Variants in PKHD1 observed in about 807,000 individuals in gnomAD.
PKHD1 encodes the protein PKHD1 ciliary IPT domain containing fibrocystin/polyductin.
PKHD1 carries 291 observed loss-of-function variants against 412.0 expected under a neutral mutation model. The observed-to-expected ratio is 0.71, with a 90% CI of 0.64 to 0.78. PKHD1 has a LOEUF of 0.78. PKHD1 is among the 30% of genes least tolerant of loss of function. The probability of loss-of-function intolerance (pLI) is 0.00; values close to 1 mark genes in which losing one functional copy is unlikely to be tolerated. For missense variants in PKHD1, 4,825 were observed against 4,950.7 expected, an observed-to-expected ratio of 0.97 and a Z score of 0.76; for synonymous variants, 1,777 against 1,821.5, an observed-to-expected ratio of 0.98 and a Z score of 0.62.
rs1273145117 is a variant in PKHD1, at chr6:51,796,423, AT to A, written c.8303-5051del. ...TCTTTATTAATCTAGCTAGCAGTCTATTTAATTAGTTTTTTTTTCAAAAAAA... is the reference window on the plus strand; with the variant it reads ...TCTTTATTAATCTAGCTAGCAGTCTATTAATTAGTTTTTTTTTCAAAAAAA... On this transcript the variant is annotated intron_variant, in intron 52 of 66. Transcript: ENST00000371117. Among the ~76,000 whole-genome samples the A allele has an allele frequency of 2.9e-5, 3 of 103,360 alleles. No homozygotes were observed. In the East Asian group the frequency reaches 1.1e-3, roughly 39 times the overall value. The allele number at this position is 103,360 out of a possible 152,430, so 67.8% of individuals were successfully genotyped here.
intron 60 of PKHD1, among the ~76,000 whole-genome samples, chr6:51,678,312 T>C (rs1776162553): frequency 6.6e-6 from 1 of 152,174 alleles, no homozygotes; most frequent in African/African-American, 2.4e-5. Context: ...CTAAGTTAGA[T>C]GACGTATGCA....
chr6:51,854,889 C>T (rs1244693851), intron 49 of PKHD1, among the ~76,000 whole-genome samples: 1 of 152,246 alleles, frequency 6.6e-6, no homozygotes, highest in African/African-American at 2.4e-5. Flanking sequence ...CTGGCTGCTG[C>T]CTCTCCTGAG....
chr6:52,007,442 T>C (rs561113900), intron 35 of PKHD1, among the ~76,000 whole-genome samples: 266 of 152,318 alleles, frequency 1.7e-3, no homozygotes, highest in South Asian at 6.8e-3. Context: ...CAGATAACCA[T>C]GCATCATAAT....
At chr6:51,624,614 T>A (rs908998034) in intron 66 of PKHD1, among the ~76,000 whole-genome samples, 1 of 152,216 alleles carries the variant, frequency 6.6e-6, no homozygotes, top group African/African-American at 2.4e-5. Flanking sequence ...GTCTTTTTTT[T>A]CCCCAGCAGT....
At chr6:51,694,359 C>CT (rs1778529730) in intron 60 of PKHD1, among the ~76,000 whole-genome samples, 1 of 151,656 alleles carries the variant, frequency 6.6e-6, no homozygotes, top group African/African-American at 2.4e-5. Context: ...ATATGGATTT[C>CT]TTTTTTTAAT....
intron 49 of PKHD1, among the ~76,000 whole-genome samples, chr6:51,854,103 G>A (rs1344825838): frequency 2.0e-5 from 3 of 151,990 alleles, no homozygotes; most frequent in Admixed American, 1.3e-4. Context: ...TAGGATTTTT[G>A]TGGGGGCCTT....
chr6:52,035,294 A>G (rs988785052), intron 28 of PKHD1, among the ~76,000 whole-genome samples: 3 of 152,224 alleles, frequency 2.0e-5, no homozygotes, highest in African/African-American at 7.2e-5. Context: ...GCCAACACCC[A>G]GAATGTGCAC....
At chr6:51,912,624 A>G (rs1783130026) in intron 37 of PKHD1, 48 bp from the exon 38 acceptor site, 1 of 1,202,870 alleles carries the variant, frequency 8.3e-7, no homozygotes, top group African/African-American at 1.5e-5. Flanking sequence ...ATCATTAATC[A>G]AAACGTGATT....
At chr6:51,782,989 A>G (rs1222263149) in intron 53 of PKHD1, among the ~76,000 whole-genome samples, 3 of 152,214 alleles carry the variant, frequency 2.0e-5, no homozygotes, top group African/African-American at 7.2e-5. Context: ...AAGCAATGAA[A>G]GAAACTTCCA....
intron 50 of PKHD1, among the ~76,000 whole-genome samples, chr6:51,846,534 C>G (rs1771187283): frequency 6.6e-6 from 1 of 152,190 alleles, no homozygotes; most frequent in Admixed American, 6.5e-5. Flanking sequence ...GCGATTGGAA[C>G]AAGCAGGTAC....
Position 51,941,890 on chromosome 6 carries a change from C to T in PKHD1, c.5909-7568G>A, listed in dbSNP as rs528012767. 1.5e-4 allele frequency among the ~76,000 whole-genome samples: 23 copies of T among 151,640 alleles called. 1 individual carries two copies. Among genetic ancestry groups the T allele is most frequent in the African/African-American group, 5.1e-4 (21 of 41,488 alleles). On this transcript the variant is annotated intron_variant, in intron 36 of 66. Coordinates refer to ENST00000371117, the MANE Select transcript of PKHD1 (RefSeq NM_138694.4). ...TACTGCCGCAAGCCTTCACAGACAG[C>T]CCCCATTACTTCAGTCAAGCCCAAA... is the stretch of plus-strand genomic sequence containing the variant.
chr6:51,734,252 T>C (rs1185142937), intron 60 of PKHD1, among the ~76,000 whole-genome samples: 1 of 152,202 alleles, frequency 6.6e-6, no homozygotes, highest in Non-Finnish European at 1.5e-5. Flanking sequence ...ATAGGAATAG[T>C]CAGAGTTTTC....
chr6:51,638,191 T>C (rs2244484), intron 64 of PKHD1, among the ~76,000 whole-genome samples: 6,514 of 152,288 alleles, frequency 0.043, 236 homozygotes, highest in African/African-American at 0.093. Context: ...CCTGTATCCA[T>C]TGCAAACTTA....
chr6:51,670,291 C>T (rs1398055094), intron 60 of PKHD1, among the ~76,000 whole-genome samples: 1 of 152,146 alleles, frequency 6.6e-6, no homozygotes, highest in Non-Finnish European at 1.5e-5. Context: ...GATCCGTTTA[C>T]CATTATGTAA....
At chr6:51,770,728 T>C (rs752993134) in intron 55 of PKHD1, among the ~76,000 whole-genome samples, 18 of 152,120 alleles carry the variant, frequency 1.2e-4, no homozygotes, top group South Asian at 1.0e-3. Flanking sequence ...AAAATTCTAG[T>C]AAAACAAATT....
At chr6:51,712,030 T>A (rs369318154) in intron 60 of PKHD1, among the ~76,000 whole-genome samples, 1 of 152,210 alleles carries the variant, frequency 6.6e-6, no homozygotes, top group South Asian at 2.1e-4. Flanking sequence ...TCAGCCTAGA[T>A]CACAGTAAAA....
chr6:52,055,601 C>A lies in PKHD1; in HGVS notation c.1822G>T (p.Asp608Tyr), dbSNP rs200419565. ...PPAAQKGYRLDQYTHLCLAYK... is the reference protein window; with the variant it reads ...PPAAQKGYRLYQYTHLCLAYK... ...CTGCTACTCACGTGTGTATACTGAT[C>A]TAGCCGATAGCCCTTCTGGGCAGCC... The change falls in exon 19 of 67, where the codon GAT (aspartate) becomes TAT (tyrosine). Residue 608 changes from aspartate to tyrosine, a missense_variant. Physicochemically the swap from Asp to Tyr is radical, Grantham distance 160. Transcript: ENST00000371117. The A allele has an allele frequency of 3.7e-5, 60 of 1,612,530 alleles. No homozygotes were observed. The highest frequency in any genetic ancestry group is 4.9e-5 in the Non-Finnish European group (58 of 1,179,728).
At chr6:51,998,751 C>T (rs1327112125) in intron 35 of PKHD1, among the ~76,000 whole-genome samples, 1 of 152,018 alleles carries the variant, frequency 6.6e-6, no homozygotes, top group Non-Finnish European at 1.5e-5. Flanking sequence ...CTACTTTTCT[C>T]TTTTATCCTC....
At chr6:51,638,687 C>A (rs1297102892) in intron 64 of PKHD1, among the ~76,000 whole-genome samples, 162 bp downstream of exon 64, 4 of 150,904 alleles carry the variant, frequency 2.7e-5, no homozygotes, top group African/African-American at 9.7e-5. Context: ...TACATGTGCT[C>A]TTTCTTCTCA....
Sources: allele counts gnomAD v4.1 joint callset (sites outside exome capture counted in the v4.1 genomes callset), GRCh38; gene constraint gnomAD v4.1.1; transcripts MANE v1.5; gene names NCBI Gene and HGNC (gene_info 2026-07-23, HGNC 2026-07-21).